SENP6: variants seen among roughly 807,000 people sequenced by gnomAD.
SENP6 encodes sentrin-specific protease 6.
A neutral mutation model predicts 134.5 loss-of-function variants in SENP6; 41 were observed. That is an observed-to-expected ratio of 0.30 (90% CI 0.24 to 0.40). SENP6 has a LOEUF of 0.40. Ranked by LOEUF, SENP6 falls within the 10% of genes least tolerant of loss-of-function variation. SENP6 has a pLI of 1.00. For synonymous variants in SENP6, 395 were observed against 429.8 expected (o/e 0.92, Z 1.00); for missense variants, 1,248 against 1,312.5 (o/e 0.95, Z 0.76).
intron 11 of SENP6, among the ~76,000 whole-genome samples, chr6:75,672,852 G>T (rs775076): frequency 0.08 from 12,140 of 152,124 alleles, 1,080 homozygotes; most frequent in African/African-American, 0.22. Context: ...TTTTGAGACA[G>T]AGTCTCACTC....
At chr6:75,699,431 A>G (rs535881580) in intron 18 of SENP6, among the ~76,000 whole-genome samples, 5 of 140,440 alleles carry the variant, frequency 3.6e-5, no homozygotes, top group Middle Eastern at 8.3e-3. Flanking sequence ...GCTGCCATAT[A>G]TTTGTCATCT....
intron 1 of SENP6, among the ~76,000 whole-genome samples, chr6:75,614,998 C>T (rs1444493336): frequency 6.6e-6 from 1 of 152,120 alleles, no homozygotes; most frequent in Non-Finnish European, 1.5e-5. Flanking sequence ...TCAAGCAATT[C>T]TCCTGCCTCA....
intron 18 of SENP6, among the ~76,000 whole-genome samples, chr6:75,700,572 C>T (rs554691970): frequency 1.3e-5 from 2 of 152,136 alleles, no homozygotes; most frequent in South Asian, 2.1e-4. Flanking sequence ...CTGCAATCTC[C>T]GCCTCCCAGG....
intron 7 of SENP6, among the ~76,000 whole-genome samples, chr6:75,658,854 C>A (rs1326880281): frequency 6.6e-6 from 1 of 151,414 alleles, no homozygotes; most frequent in Non-Finnish European, 1.5e-5. Context: ...TACCTGTAGT[C>A]ACAGCTAGTT....
At chr6:75,681,767 G>T (rs944554701) in intron 16 of SENP6, among the ~76,000 whole-genome samples, 5 of 152,122 alleles carry the variant, frequency 3.3e-5, no homozygotes, top group African/African-American at 1.2e-4. Context: ...GATGGGTCAT[G>T]CCTGTAATCC....
In SENP6 at chr6:75,602,310, G is replaced by T; in HGVS notation, c.-215G>T. The T allele has an allele frequency of 2.2e-6, 1 of 464,850 alleles. No individual in the cohort carries two copies. Among genetic ancestry groups the T allele is most frequent in the Non-Finnish European group, 3.8e-6 (1 of 266,490 alleles). The allele number at this position is 464,850 out of a possible 1,614,324, so 28.8% of individuals were successfully genotyped here. Reference sequence around the variant, plus strand: ...GAGGCCTGAGAAGCTCGGGCCGCGGGCCTCGCTGCCCGCCAGCCCGCGGAC... The same window carrying T: ...GAGGCCTGAGAAGCTCGGGCCGCGGTCCTCGCTGCCCGCCAGCCCGCGGAC... On this transcript the variant is annotated 5_prime_UTR_variant, in exon 1 of 24. Coordinates refer to ENST00000447266, the MANE Select transcript of SENP6 (RefSeq NM_015571.4).
chr6:75,710,292 A>G (rs1224645947), intron 20 of SENP6, among the ~76,000 whole-genome samples: 2 of 152,192 alleles, frequency 1.3e-5, no homozygotes, highest in Non-Finnish European at 2.9e-5. Flanking sequence ...TTGGAGTCTC[A>G]TTTGCCCTAA....
chr6:75,607,086 G>A (rs995791432), intron 1 of SENP6, among the ~76,000 whole-genome samples: 13 of 152,162 alleles, frequency 8.5e-5, no homozygotes, highest in African/African-American at 3.1e-4. Flanking sequence ...GGTGGCTCAC[G>A]CCTGTAATCC....
At chr6:75,710,529 CA>C (rs1490983229) in intron 20 of SENP6, among the ~76,000 whole-genome samples, 2 of 152,102 alleles carry the variant, frequency 1.3e-5, no homozygotes, top group African/African-American at 4.8e-5. Flanking sequence ...TTCCAGTGAA[CA>C]AAAGGCATTT....
intron 6 of SENP6, 60 bp from the exon 7 acceptor site, chr6:75,647,671 T>C: frequency 1.6e-6 from 2 of 1,221,988 alleles, no homozygotes; most frequent in African/African-American, 3.0e-5. Flanking sequence ...TGCCATTAAC[T>C]TTTTCATTTT....
intron 16 of SENP6, among the ~76,000 whole-genome samples, chr6:75,682,509 A>C (rs1426210476): frequency 6.6e-6 from 1 of 151,924 alleles, no homozygotes; most frequent in African/African-American, 2.4e-5. Context: ...GTACCTATCA[A>C]CTCATCATTT....
At position 75,634,837 on chromosome 6, in the gene SENP6, A is replaced by G. The variant is rs763853306; in HGVS notation, c.458+26A>G. 1.1e-5 allele frequency: 16 copies of G among 1,428,090 alleles called. No homozygotes were observed. In the East Asian group the frequency reaches 3.6e-4, roughly 32 times the overall value. 88.5% of individuals were successfully genotyped at this position (1,428,090 alleles called of 1,614,324 possible). A position where few individuals can be genotyped will look rare whatever the true frequency, so the allele number is the denominator to read the frequency against. The stretch of plus-strand genomic sequence containing the variant: ...GTAAGAATTCTAATTGTCTTTGGTT[A>G]GTATATACATGGCATCTTCTTCAAT... On this transcript the variant is annotated intron_variant, in intron 5 of 23. Transcript: ENST00000447266.
chr6:75,656,612 A>G (rs1771358719), intron 7 of SENP6, among the ~76,000 whole-genome samples: 1 of 152,224 alleles, frequency 6.6e-6, no homozygotes, highest in African/African-American at 2.4e-5. Flanking sequence ...TTTCCCTAGA[A>G]AATGGAATCC....
chr6:75,637,979 G>A (rs1769656143), intron 5 of SENP6, among the ~76,000 whole-genome samples: 1 of 152,092 alleles, frequency 6.6e-6, no homozygotes, highest in Non-Finnish European at 1.5e-5. Context: ...TCAGCCTCCT[G>A]AGTGGCTGAA....
intron 7 of SENP6, among the ~76,000 whole-genome samples, chr6:75,651,254 T>C (rs1770838582): frequency 6.6e-6 from 1 of 152,200 alleles, no homozygotes; most frequent in Non-Finnish European, 1.5e-5. Flanking sequence ...CAGACATATA[T>C]TGTCCCTGAA....
intron 16 of SENP6, among the ~76,000 whole-genome samples, chr6:75,687,068 C>G (rs1773893613): frequency 6.6e-6 from 1 of 152,174 alleles, no homozygotes; most frequent in Non-Finnish European, 1.5e-5. Flanking sequence ...CACATAGTCC[C>G]ATATTTCTTG....
intron 19 of SENP6, among the ~76,000 whole-genome samples, chr6:75,706,642 A>ATT (rs1052205166): frequency 2.0e-5 from 3 of 152,138 alleles, no homozygotes; most frequent in Non-Finnish European, 4.4e-5. Flanking sequence ...CCATTTACTC[A>ATT]TTTTTGAATT....
intron 1 of SENP6, among the ~76,000 whole-genome samples, chr6:75,605,768 G>T (rs1447009867): frequency 6.6e-6 from 1 of 152,166 alleles, no homozygotes; most frequent in East Asian, 1.9e-4. Flanking sequence ...GCGCAAGGGG[G>T]TGTAATGATA....
chr6:75,697,743 A>C, intron 18 of SENP6: 129 of 394,426 alleles, frequency 3.3e-4, no homozygotes, highest in Middle Eastern at 1.4e-3. Flanking sequence ...TTCTAATCTC[A>C]TTTTATTCAT....
Sources: allele counts gnomAD v4.1 joint callset (sites outside exome capture counted in the v4.1 genomes callset), GRCh38; gene constraint gnomAD v4.1.1; transcripts MANE v1.5; gene names NCBI Gene and HGNC (gene_info 2026-07-23, HGNC 2026-07-21).